LINGO2: variants seen among roughly 807,000 people sequenced by gnomAD.
LINGO2 encodes leucine-rich repeat and immunoglobulin-like domain-containing nogo receptor-interacting protein 2.
Under a neutral mutation model 30.6 loss-of-function variants are expected in LINGO2, and 14 were observed. The ratio of observed to expected loss-of-function variants is 0.46; its 90% confidence interval spans 0.30 to 0.72. LINGO2 has a LOEUF of 0.72. Ranked by LOEUF, LINGO2 falls within the 30% of genes least tolerant of loss-of-function variation. The pLI is 0.07. For missense variants in LINGO2, 729 were observed against 751.7 expected (o/e 0.97, Z 0.35); for synonymous variants, 317 against 288.5 (o/e 1.10, Z -1.00).
the LINGO2 span, among the ~76,000 whole-genome samples, chr9:28,830,337 G>A: frequency 6.6e-6 from 1 of 152,220 alleles, no homozygotes; most frequent in Admixed American, 6.5e-5. Context: ...GCCAGGCAGG[G>A]GAGAATAACG....
chr9:28,123,670 ATT>A (rs11432898), intron 4 of LINGO2, among the ~76,000 whole-genome samples: 3 of 147,548 alleles, frequency 2.0e-5, no homozygotes, highest in Non-Finnish European at 1.5e-5. Flanking sequence ...AAAATATTTG[ATT>A]TTTTTTTTTT....
At chr9:27,957,643 C>A (rs1036991882) in intron 5 of LINGO2, among the ~76,000 whole-genome samples, 1 of 150,646 alleles carries the variant, frequency 6.6e-6, no homozygotes, top group African/African-American at 2.5e-5. Flanking sequence ...TGGTGTTGTT[C>A]ATCCAATTTT....
intron 2 of LINGO2, among the ~76,000 whole-genome samples, chr9:28,416,787 G>A (rs1004234929): frequency 6.6e-6 from 1 of 152,082 alleles, no homozygotes; most frequent in Non-Finnish European, 1.5e-5. Context: ...CTTTTATTAG[G>A]TTATATTTAA....
intron 4 of LINGO2, among the ~76,000 whole-genome samples, chr9:28,164,907 C>A (rs1168557824): frequency 6.6e-6 from 1 of 152,162 alleles, no homozygotes; most frequent in Non-Finnish European, 1.5e-5. Flanking sequence ...CTCATCATAT[C>A]GAATTATTAT....
At chr9:29,110,830 A>C in the LINGO2 span, among the ~76,000 whole-genome samples, 6 of 151,882 alleles carry the variant, frequency 4.0e-5, no homozygotes, top group Non-Finnish European at 7.4e-5. Flanking sequence ...AGTTGGGACT[A>C]CAGGCGCTCG....
chr9:28,089,198 C>T (rs1426387456), intron 4 of LINGO2, among the ~76,000 whole-genome samples: 2 of 152,148 alleles, frequency 1.3e-5, no homozygotes, highest in Admixed American at 6.6e-5. Flanking sequence ...TTGAACTCAG[C>T]TCTGCATCAA....
chr9:29,193,797 A>G, the LINGO2 span, among the ~76,000 whole-genome samples: 44 of 152,068 alleles, frequency 2.9e-4, no homozygotes, highest in East Asian at 4.7e-3. Flanking sequence ...TCTGAAGTCC[A>G]CTCTTCACAA....
the LINGO2 span, among the ~76,000 whole-genome samples, chr9:29,184,743 C>T: frequency 6.6e-6 from 1 of 151,018 alleles, no homozygotes; most frequent in African/African-American, 2.4e-5. Flanking sequence ...CTTCCTCTCT[C>T]TCTCTCTCTT....
chr9:28,027,253 C>G (rs1823424307), intron 4 of LINGO2, among the ~76,000 whole-genome samples: 1 of 152,126 alleles, frequency 6.6e-6, no homozygotes, highest in Admixed American at 6.6e-5. Context: ...ACTAAAGCAT[C>G]CCCATTTTAC....
chr9:28,970,923 T>C, the LINGO2 span, among the ~76,000 whole-genome samples: 2 of 152,104 alleles, frequency 1.3e-5, no homozygotes, highest in East Asian at 3.9e-4. Context: ...AGTACTGGCA[T>C]CACTCGTCCC....
At chr9:28,102,709 A>T (rs1262527478) in intron 4 of LINGO2, among the ~76,000 whole-genome samples, 1 of 152,130 alleles carries the variant, frequency 6.6e-6, no homozygotes, top group African/African-American at 2.4e-5. Context: ...AAAGAGCCAT[A>T]CGAGTTTGAT....
the LINGO2 span, among the ~76,000 whole-genome samples, chr9:29,153,357 A>G: frequency 1.3e-5 from 2 of 152,166 alleles, no homozygotes; most frequent in Non-Finnish European, 2.9e-5. Flanking sequence ...AACATGACTC[A>G]TTCCAATGAA....
the LINGO2 span, among the ~76,000 whole-genome samples, chr9:28,694,805 C>T: frequency 4.6e-5 from 7 of 151,874 alleles, no homozygotes; most frequent in Non-Finnish European, 5.9e-5. Context: ...CAGTGTAGCC[C>T]ATGTTCACAT....
intron 2 of LINGO2, among the ~76,000 whole-genome samples, chr9:28,412,453 A>T (rs1351438554): frequency 1.3e-5 from 2 of 152,106 alleles, no homozygotes; most frequent in Non-Finnish European, 2.9e-5. Flanking sequence ...ATTAAAAAAC[A>T]TGCAAATTGA....
At chr9:28,869,735 G>A in the LINGO2 span, among the ~76,000 whole-genome samples, 14 of 151,702 alleles carry the variant, frequency 9.2e-5, no homozygotes, top group African/African-American at 3.1e-4. Context: ...GTGATCAATA[G>A]GTCAAAAATC....
At chr9:28,433,800 CATT>C (rs1409127410) in intron 2 of LINGO2, among the ~76,000 whole-genome samples, 1 of 151,864 alleles carries the variant, frequency 6.6e-6, no homozygotes, top group Non-Finnish European at 1.5e-5. Context: ...GAAAACAAAT[CATT>C]ATATGAAAAA....
chr9:28,563,965 T>C (rs1415295098), intron 1 of LINGO2, among the ~76,000 whole-genome samples: 1 of 152,138 alleles, frequency 6.6e-6, no homozygotes, highest in Admixed American at 6.5e-5. Flanking sequence ...TTTATAAATG[T>C]AGTGATGCAT....
chr9:28,773,016 A>C, the LINGO2 span, among the ~76,000 whole-genome samples: 1 of 152,134 alleles, frequency 6.6e-6, no homozygotes, highest in Admixed American at 6.5e-5. Context: ...AAAAATAATA[A>C]TCACATAAAA....
intron 1 of LINGO2, among the ~76,000 whole-genome samples, chr9:28,636,686 A>C (rs894974192): frequency 6.6e-6 from 1 of 151,778 alleles, no homozygotes; most frequent in Non-Finnish European, 1.5e-5. Context: ...TTTTCTTATA[A>C]ATTTGTTTGA....
Sources: gnomAD v4.1 joint callset for allele counts (sites outside exome capture counted in the v4.1 genomes callset) on GRCh38, gnomAD v4.1.1 for gene constraint, MANE v1.5 for transcripts, NCBI Gene and HGNC (gene_info 2026-07-23, HGNC 2026-07-21) for gene names.